SGCG: variants seen among roughly 807,000 people sequenced by gnomAD.
SGCG encodes the protein gamma-sarcoglycan.
In SGCG, 26 loss-of-function variants were observed where a neutral mutation model predicts 29.3. That is an observed-to-expected ratio of 0.89 (90% CI 0.65 to 1.23). SGCG has a LOEUF of 1.23. SGCG is among the 50% of genes most tolerant of loss of function. The pLI is 0.00. For synonymous variants in SGCG, 145 were observed against 129.7 expected, an observed-to-expected ratio of 1.12 and a Z score of -0.80; for missense variants, 353 against 356.0, an observed-to-expected ratio of 0.99 and a Z score of 0.07.
At chr13:23,299,456 A>ATATATATTTTTTT (rs1882059808) in intron 6 of SGCG, among the ~76,000 whole-genome samples, 12 of 41,538 alleles carry the variant, frequency 2.9e-4, no homozygotes, top group Non-Finnish European at 5.3e-4. Flanking sequence ...ATATATATAT[A>ATATATATTTTTTT]TTTTTTTTTT....
chr13:23,321,213 G>GT (rs371655347), intron 7 of SGCG, among the ~76,000 whole-genome samples: 2 of 152,096 alleles, frequency 1.3e-5, no homozygotes, highest in East Asian at 1.9e-4. Flanking sequence ...AAATAAGAGT[G>GT]TTTTTTTCAA....
chr13:23,301,806 C>T (rs184001085), intron 6 of SGCG, among the ~76,000 whole-genome samples: 16 of 151,838 alleles, frequency 1.1e-4, no homozygotes, highest in Admixed American at 2.6e-4. Context: ...TAGAAGAATT[C>T]GCTTGAACCC....
At chr13:23,204,305 G>A (rs190819594) in intron 2 of SGCG, among the ~76,000 whole-genome samples, 66 of 152,174 alleles carry the variant, frequency 4.3e-4, no homozygotes, top group Admixed American at 7.8e-4. Context: ...TGGTAATCAA[G>A]TTACACTTTC....
intron 4 of SGCG, among the ~76,000 whole-genome samples, chr13:23,260,933 G>A (rs1413707364): frequency 6.6e-6 from 1 of 152,074 alleles, no homozygotes; most frequent in Non-Finnish European, 1.5e-5. Flanking sequence ...TTCCCTTTGT[G>A]GATAACCTGA....
chr13:23,299,454 A>ATTTTT (rs1882057854), intron 6 of SGCG, among the ~76,000 whole-genome samples: 32 of 42,616 alleles, frequency 7.5e-4, no homozygotes, highest in South Asian at 2.0e-3. Context: ...ATATATATAT[A>ATTTTT]TATTTTTTTT....
intron 2 of SGCG, among the ~76,000 whole-genome samples, chr13:23,216,001 G>C (rs181376485): frequency 6.6e-6 from 1 of 152,082 alleles, no homozygotes; most frequent in Admixed American, 6.6e-5. Context: ...ATGTAAAAGA[G>C]GATAATTATC....
chr13:23,176,565 A>G (rs1876559984), upstream of SGCG, among the ~76,000 whole-genome samples: 2 of 151,728 alleles, frequency 1.3e-5, no homozygotes, highest in South Asian at 4.2e-4. Context: ...CTGTTTACTT[A>G]TGGTTTCCAT....
intron 6 of SGCG, among the ~76,000 whole-genome samples, chr13:23,300,020 A>C (rs551088743): frequency 2.0e-5 from 3 of 152,238 alleles, no homozygotes; most frequent in African/African-American, 7.2e-5. Flanking sequence ...TATTGGAGGC[A>C]TAGGCAAATA....
chr13:23,271,147 GGTT>G (rs1880861671), intron 4 of SGCG, among the ~76,000 whole-genome samples: 1 of 152,116 alleles, frequency 6.6e-6, no homozygotes, highest in Non-Finnish European at 1.5e-5. Context: ...GAGAGGCAGA[GGTT>G]GCAGTGAGCC....
At chr13:23,204,235 T>A (rs1246955961) in intron 2 of SGCG, among the ~76,000 whole-genome samples, 1 of 152,224 alleles carries the variant, frequency 6.6e-6, no homozygotes, top group African/African-American at 2.4e-5. Context: ...ATCATTTTCT[T>A]AATTTCATTA....
intron 4 of SGCG, among the ~76,000 whole-genome samples, chr13:23,260,226 T>C (rs1880371552): frequency 1.3e-5 from 2 of 152,230 alleles, no homozygotes; most frequent in Admixed American, 6.5e-5. Context: ...ATCTGGGTGC[T>C]CCTGTATTGG....
intron 6 of SGCG, among the ~76,000 whole-genome samples, chr13:23,296,989 C>T (rs933362233): frequency 9.2e-5 from 14 of 152,084 alleles, no homozygotes; most frequent in Admixed American, 2.0e-4. Context: ...GAAGTGAATG[C>T]AGGACAATTA....
In SGCG at chr13:23,324,765, ATG is replaced by A. The variant is rs1405230478; in HGVS notation, c.*228_*229del. Reference sequence around the variant, plus strand: ...CAAAAGTTGACAAAATGGAAAAGCAATGTGTTTTTCCACTGGATTAATTTTCA... The same window carrying A: ...CAAAAGTTGACAAAATGGAAAAGCAATGTTTTTCCACTGGATTAATTTTCA... On this transcript the variant is annotated 3_prime_UTR_variant, in exon 8 of 8. Coordinates refer to ENST00000218867, the MANE Select transcript of SGCG (RefSeq NM_000231.3). 9 of 556,792 alleles carry A rather than the reference ATG, an allele frequency of 1.6e-5. No homozygotes were observed. The highest frequency in any genetic ancestry group is 2.6e-5 in the Non-Finnish European group (8 of 308,490). The allele number at this position is 556,792 out of a possible 1,614,324, so 34.5% of individuals were successfully genotyped here. A position where few individuals can be genotyped will look rare whatever the true frequency, so the allele number is the denominator to read the frequency against.
chr13:23,195,967 A>G (rs1877489992), intron 1 of SGCG, among the ~76,000 whole-genome samples: 1 of 151,992 alleles, frequency 6.6e-6, no homozygotes, highest in African/African-American at 2.4e-5. Flanking sequence ...GGGAAATACT[A>G]TTTTAAATGA....
intron 3 of SGCG, among the ~76,000 whole-genome samples, chr13:23,248,423 C>T (rs1879807379): frequency 6.6e-6 from 1 of 152,126 alleles, no homozygotes; most frequent in Non-Finnish European, 1.5e-5. Flanking sequence ...ACAATCTGGC[C>T]AGGCGCGGTG....
intron 3 of SGCG, among the ~76,000 whole-genome samples, chr13:23,236,280 C>CTGATCT (rs1399139082): frequency 1.3e-5 from 2 of 152,176 alleles, no homozygotes; most frequent in Admixed American, 6.5e-5. Context: ...GTTGTGTTGG[C>CTGATCT]TGATCTCCTG....
chr13:23,183,214 G>A (rs914660156), intron 1 of SGCG, among the ~76,000 whole-genome samples: 2 of 152,092 alleles, frequency 1.3e-5, no homozygotes, highest in African/African-American at 4.8e-5. Flanking sequence ...TCTATATAAG[G>A]CAATTAGAAA....
Position 23,321,086 on chromosome 13 carries a change from C to T in SGCG, c.702+326C>T, listed in dbSNP as rs4770432. Among the ~76,000 whole-genome samples, 9,533 of 152,096 alleles carry T rather than the reference C, an allele frequency of 0.063. 437 individuals are homozygous for T. The highest frequency in any genetic ancestry group is 0.096 in the Non-Finnish European group (6,551 of 67,968). On this transcript the variant is annotated intron_variant, in intron 7 of 7. Transcript: ENST00000218867. ...AGTTTACAGAGAATGTCCATTTTGC[C>T]ATTTCCTAGGGATGGCTGTCACTAG...
At chr13:23,209,357 C>A (rs1475043822) in intron 2 of SGCG, among the ~76,000 whole-genome samples, 1 of 152,128 alleles carries the variant, frequency 6.6e-6, no homozygotes, top group Non-Finnish European at 1.5e-5. Flanking sequence ...AAGAATCTTT[C>A]ATTTAGCAAG....
Sources: gnomAD v4.1 joint callset for allele counts (sites outside exome capture counted in the v4.1 genomes callset) on GRCh38, gnomAD v4.1.1 for gene constraint, MANE v1.5 for transcripts, NCBI Gene and HGNC (gene_info 2026-07-23, HGNC 2026-07-21) for gene names.